MGA: variants seen among roughly 807,000 people sequenced by gnomAD.
The protein encoded by MGA is MAX dimerization protein MGA.
In MGA, 40 loss-of-function variants were observed where a neutral mutation model predicts 261.1. The observed-to-expected ratio is 0.15, with a 90% CI of 0.12 to 0.20. The LOEUF (loss-of-function observed/expected upper bound fraction) is 0.20, where lower values mean the gene tolerates loss of function less well. Ranked by LOEUF, MGA falls within the 10% of genes least tolerant of loss-of-function variation. The pLI is 1.00. For missense variants in MGA, 3,397 were observed against 3,630.5 expected, an observed-to-expected ratio of 0.94 and a Z score of 1.65; for synonymous variants, 1,302 against 1,290.6, an observed-to-expected ratio of 1.01 and a Z score of -0.19.
upstream of MGA, among the ~76,000 whole-genome samples, chr15:41,659,889 C>T (rs2150796097): frequency 6.6e-6 from 1 of 152,340 alleles, no homozygotes; most frequent in South Asian, 2.1e-4. Context: ...TAAACTCGAC[C>T]ATCCGTCTCT....
At position 41,696,570 on chromosome 15, in the gene MGA, C is replaced by G; in HGVS notation, c.1560C>G (p.Phe520Leu). The G allele has an allele frequency of 6.2e-7, 1 of 1,614,020 alleles. No homozygotes were observed. ...TTGAAAATTCCAATGAGACTGCCTT[C>G]TGCTTAGGCAAGGAATCAGAAAATG... is the stretch of plus-strand genomic sequence containing the variant. Residue 520 changes from phenylalanine (F) to leucine (L), a missense_variant, in exon 3 of 24, where the codon TTC (phenylalanine) becomes TTG (leucine). Physicochemically the swap from Phe to Leu is conservative, Grantham distance 22. Transcript: ENST00000219905.
At chr15:41,680,403 C>T (rs1025754153) in intron 2 of MGA, among the ~76,000 whole-genome samples, 1 of 151,244 alleles carries the variant, frequency 6.6e-6, no homozygotes, top group Admixed American at 6.6e-5. Context: ...TTTAACCCCC[C>T]CTGATGCATT....
At position 41,767,309 on chromosome 15, in the gene MGA, C is replaced by T. The variant is rs569579831; in HGVS notation, c.*29C>T. The stretch of plus-strand genomic sequence containing the variant: ...TACTTGTCCTTAAGCAGAAGCCAGG[C>T]TGTGAGGGGAAATAGATCTCACCTC... On this transcript the variant is annotated 3_prime_UTR_variant, in exon 24 of 24. Transcript: ENST00000219905. 1.5e-5 allele frequency: 23 copies of T among 1,570,590 alleles called. 1 individual carries two copies. In the South Asian group the frequency reaches 2.6e-4, roughly 18 times the overall value.
chr15:41,667,847 A>G (rs1225036960), intron 1 of MGA, among the ~76,000 whole-genome samples: 2 of 152,158 alleles, frequency 1.3e-5, no homozygotes, highest in Non-Finnish European at 2.9e-5. Context: ...CCTGTCACCC[A>G]GGCTGGAGTG....
chr15:41,707,409 T>C (rs1269856793), intron 5 of MGA, among the ~76,000 whole-genome samples: 2 of 152,224 alleles, frequency 1.3e-5, no homozygotes, highest in African/African-American at 4.8e-5. Flanking sequence ...ATAACTTGTG[T>C]TATCACATGC....
chr15:41,728,596 T>A (rs2061362757), intron 10 of MGA, among the ~76,000 whole-genome samples: 1 of 152,152 alleles, frequency 6.6e-6, no homozygotes, highest in Non-Finnish European at 1.5e-5. Flanking sequence ...TACTATTCAT[T>A]AGTGGATCAT....
chr15:41,689,914 A>G (rs2059178828), intron 2 of MGA, among the ~76,000 whole-genome samples: 1 of 152,216 alleles, frequency 6.6e-6, no homozygotes, highest in Non-Finnish European at 1.5e-5. Context: ...AAAAATTGAG[A>G]TATAATTCAC....
chr15:41,741,897 A>AGACG (rs1484084006), intron 14 of MGA, among the ~76,000 whole-genome samples: 3 of 151,544 alleles, frequency 2.0e-5, no homozygotes, highest in Non-Finnish European at 4.4e-5. Context: ...TTTTTAGTAG[A>AGACG]GACGGGGTTT....
intron 19 of MGA, among the ~76,000 whole-genome samples, chr15:41,759,440 G>A (rs926641824): frequency 3.0e-5 from 4 of 134,118 alleles, no homozygotes; most frequent in African/African-American, 5.9e-5. Flanking sequence ...TTCTTAATAT[G>A]TGTGTGTGTG....
At chr15:41,712,772 G>A (rs1008621757) in intron 8 of MGA, among the ~76,000 whole-genome samples, 9 of 152,152 alleles carry the variant, frequency 5.9e-5, no homozygotes, top group Non-Finnish European at 1.0e-4. Flanking sequence ...AGGAGTTACT[G>A]AACTCTGCTG....
upstream of MGA, among the ~76,000 whole-genome samples, chr15:41,656,472 G>T (rs72724120): frequency 2.1e-3 from 316 of 151,104 alleles, 1 homozygote; most frequent in Non-Finnish European, 3.4e-3. Context: ...CTCCTGAGTG[G>T]CTGGGACCGC....
chr15:41,686,875 G>A (rs2058997157), intron 2 of MGA, among the ~76,000 whole-genome samples: 1 of 152,046 alleles, frequency 6.6e-6, no homozygotes, highest in South Asian at 2.1e-4. Flanking sequence ...GTTTCAATTT[G>A]CTAATATTTT....
At chr15:41,666,571 T>C (rs2057751493) in intron 1 of MGA, among the ~76,000 whole-genome samples, 1 of 152,236 alleles carries the variant, frequency 6.6e-6, no homozygotes. Flanking sequence ...GTGTTCTCCC[T>C]GTCTGAAGTT....
chr15:41,724,822 T>C (rs1301176034), intron 9 of MGA, among the ~76,000 whole-genome samples: 2 of 147,282 alleles, frequency 1.4e-5, no homozygotes, highest in Non-Finnish European at 3.0e-5. Context: ...TCCCACCCCC[T>C]TTTTAATTTT....
intron 1 of MGA, among the ~76,000 whole-genome samples, chr15:41,662,306 T>C (rs1345372779): frequency 6.6e-6 from 1 of 152,222 alleles, no homozygotes. Flanking sequence ...GCTAGAGACC[T>C]GTCAGCTTTC....
Position 41,764,917 on chromosome 15 carries a change from C to T in MGA, c.7776C>T (p.Thr2592=), listed in dbSNP as rs2063721433. The T allele has an allele frequency of 1.9e-6, 3 of 1,613,920 alleles. No individual in the cohort carries two copies. Among genetic ancestry groups the T allele is most frequent in the African/African-American group, 1.3e-5 (1 of 74,934 alleles). Residue 2592 remains threonine, a synonymous_variant, in exon 23 of 24, where the codon ACC becomes ACT. Coordinates refer to ENST00000219905, the MANE Select transcript of MGA (RefSeq NM_001164273.2). ...CCTCACCCTTGAACACTCCACACAC[C>T]TCTGCCAACCTTGTGATGACTCCGC...
chr15:41,735,560 A>T (rs140833461), intron 12 of MGA, among the ~76,000 whole-genome samples: 2 of 152,274 alleles, frequency 1.3e-5, no homozygotes, highest in East Asian at 3.9e-4. Context: ...AACATGGTGA[A>T]ACCCCGTCTC....
In MGA at chr15:41,760,351, C is replaced by G. The variant is rs766663364; in HGVS notation, c.7220C>G (p.Pro2407Arg). ...CCACCAATTCCTCTAAAACTGAAGC[C>G]TGATTACTGGAGTGACAAACTACAG... Residue 2407 changes from proline to arginine, a missense_variant, in exon 20 of 24, where the codon CCT (proline) becomes CGT (arginine). Around this residue, in one of 9 missense-constraint regions of MGA, gnomAD observed 1,410 missense variants for 1,386.4 expected, o/e 1.02. Coordinates refer to ENST00000219905, the MANE Select transcript of MGA (RefSeq NM_001164273.2). 4.3e-6 allele frequency: 7 copies of G among 1,613,862 alleles called. No individual in the cohort carries two copies. Among genetic ancestry groups the G allele is most frequent in the Non-Finnish European group, 5.9e-6 (7 of 1,179,906 alleles).
Position 41,661,292 on chromosome 15 carries a change from AG to A in MGA, c.-68+769del, listed in dbSNP as rs576990034. On this transcript the variant is annotated intron_variant, in intron 1 of 23. Coordinates refer to ENST00000219905, the MANE Select transcript of MGA (RefSeq NM_001164273.2). Reference sequence around the variant, plus strand: ...TCCCGTTTCTGTTAAATGGTCAAGTAGGTCTCTGCCCTCAGTGCAAGGTATC... The same window carrying A: ...TCCCGTTTCTGTTAAATGGTCAAGTAGTCTCTGCCCTCAGTGCAAGGTATC... Among the ~76,000 whole-genome samples the A allele has an allele frequency of 5.9e-5, 9 of 152,214 alleles. No homozygotes were observed. In the South Asian group the frequency reaches 1.9e-3, roughly 32 times the overall value.
Sources: gnomAD v4.1 joint callset for allele counts (sites outside exome capture counted in the v4.1 genomes callset) on GRCh38, gnomAD v4.1.1 for gene constraint, gnomAD v4.1.1 regional missense constraint, MANE v1.5 for transcripts, NCBI Gene and HGNC (gene_info 2026-07-23, HGNC 2026-07-21) for gene names.